CDH23: variants seen among roughly 807,000 people sequenced by gnomAD.
CDH23 encodes cadherin related 23, also known as cadherin-23.
In CDH23, 189 loss-of-function variants were observed where a neutral mutation model predicts 317.1. The ratio of observed to expected loss-of-function variants is 0.60; its 90% CI spans 0.53 to 0.67. CDH23 has a LOEUF of 0.67. Ranked by LOEUF, CDH23 falls within the 30% of genes least tolerant of loss-of-function variation. CDH23 has a pLI of 0.00. For missense variants in CDH23, 4,401 were observed against 4,592.4 expected, an observed-to-expected ratio of 0.96 and a Z score of 1.20; for synonymous variants, 1,839 against 1,876.8, an observed-to-expected ratio of 0.98 and a Z score of 0.52.
At chr10:71,646,327 G>A (rs1365765627) in intron 13 of CDH23, 132 bp from the exon 14 acceptor site, 3 of 1,395,224 alleles carry the variant, frequency 2.2e-6, no homozygotes, top group Non-Finnish European at 2.9e-6. Flanking sequence ...GTAGCACAGA[G>A]CTGGGATGGG....
chr10:71,573,946 A>G (rs1210034624), intron 8 of CDH23, among the ~76,000 whole-genome samples: 2 of 152,062 alleles, frequency 1.3e-5, no homozygotes, highest in Admixed American at 6.5e-5. Flanking sequence ...ATTCCCTTGC[A>G]CTGCCAGCCT....
chr10:71,722,213 G>A (rs1035610067), intron 28 of CDH23, among the ~76,000 whole-genome samples: 1 of 152,202 alleles, frequency 6.6e-6, no homozygotes, highest in Non-Finnish European at 1.5e-5. Context: ...AGCCAAGGCG[G>A]GAGGATTGCT....
At chr10:71,698,431 A>C (rs1234888) in intron 22 of CDH23, among the ~76,000 whole-genome samples, 102,907 of 151,888 alleles carry the variant, frequency 0.68, 35,871 homozygotes, top group Non-Finnish European at 0.78. Flanking sequence ...AATAGCTAAC[A>C]GAGTTTCAGG....
chr10:71,812,933 G>A, intron 68 of CDH23, 43 bp downstream of exon 68: 1 of 1,607,028 alleles, frequency 6.2e-7, no homozygotes, highest in Non-Finnish European at 8.5e-7. Context: ...CCTTGGCTGA[G>A]GTTGGACCCC....
intron 3 of CDH23, among the ~76,000 whole-genome samples, chr10:71,457,972 C>A (rs536320413): frequency 6.6e-6 from 1 of 152,336 alleles, no homozygotes; most frequent in South Asian, 2.1e-4. Flanking sequence ...GACACATGAG[C>A]CTGGCACAGG....
At chr10:71,683,327 C>A (rs1864733625) in intron 18 of CDH23, among the ~76,000 whole-genome samples, 1 of 152,230 alleles carries the variant, frequency 6.6e-6, no homozygotes, top group South Asian at 2.1e-4. Flanking sequence ...AGGATTAGAT[C>A]AGGTTGTCAG....
intron 3 of CDH23, among the ~76,000 whole-genome samples, chr10:71,452,342 G>A (rs1322220440): frequency 3.3e-5 from 5 of 152,138 alleles, no homozygotes; most frequent in Non-Finnish European, 7.4e-5. Flanking sequence ...AGTGGTAACC[G>A]CCCGCAGCCA....
intron 48 of CDH23, chr10:71,796,134 G>GA: frequency 1.0e-6 from 1 of 969,882 alleles, no homozygotes; most frequent in Non-Finnish European, 1.2e-6. Context: ...CCAGCAGGGG[G>GA]ATCTGCCAAG....
chr10:71,420,863 C>T (rs1450285848), intron 1 of CDH23, among the ~76,000 whole-genome samples: 1 of 152,054 alleles, frequency 6.6e-6, no homozygotes, highest in East Asian at 1.9e-4. Flanking sequence ...CTCGGCACCA[C>T]CCCCATCCGG....
chr10:71,645,469 T>C (rs1862793412), intron 12 of CDH23, among the ~76,000 whole-genome samples: 1 of 152,148 alleles, frequency 6.6e-6, no homozygotes, highest in African/African-American at 2.4e-5. Flanking sequence ...TCCTCCTCCT[T>C]CCTCTGTCTC....
chr10:71,685,051 C>T (rs1864817279), intron 18 of CDH23, among the ~76,000 whole-genome samples: 1 of 152,188 alleles, frequency 6.6e-6, no homozygotes, highest in Non-Finnish European at 1.5e-5. Context: ...ACCTGAATGA[C>T]TCCCATGTTG....
chr10:71,814,645 TACAC>T (rs921742881), intron 69 of CDH23, among the ~76,000 whole-genome samples: 19 of 144,066 alleles, frequency 1.3e-4, no homozygotes, highest in Admixed American at 8.2e-4. Context: ...TACACACACA[TACAC>T]ACACACACAC....
intron 9 of CDH23, among the ~76,000 whole-genome samples, chr10:71,582,773 T>C (rs1164438502): frequency 1.3e-5 from 2 of 152,198 alleles, no homozygotes; most frequent in African/African-American, 4.8e-5. Flanking sequence ...GGGCCTTCCC[T>C]GGGCCAGGAG....
chr10:71,528,461 G>C (rs1855168565), intron 6 of CDH23, among the ~76,000 whole-genome samples: 1 of 152,242 alleles, frequency 6.6e-6, no homozygotes, highest in African/African-American at 2.4e-5. Context: ...TGACTGTCAG[G>C]CAGGCAGGCC....
chr10:71,787,468 T>C (rs1477941064), intron 44 of CDH23, among the ~76,000 whole-genome samples: 1 of 152,078 alleles, frequency 6.6e-6, no homozygotes, highest in Non-Finnish European at 1.5e-5. Context: ...CACTGAACTG[T>C]GAACTCACTG....
At chr10:71,713,131 A>G in intron 28 of CDH23, 1 of 778,250 alleles carries the variant, frequency 1.3e-6, no homozygotes, top group Non-Finnish European at 2.4e-6. Context: ...GAGACGTCAC[A>G]ATTTCCCGGA....
intron 24 of CDH23, 150 bp from the exon 25 acceptor site, chr10:71,704,761 G>A: frequency 1.5e-6 from 1 of 667,928 alleles, no homozygotes. Context: ...GTGCCCTGGG[G>A]ACAGTGGCCT....
intron 14 of CDH23, among the ~76,000 whole-genome samples, chr10:71,667,391 TGTGTGC>T (rs1186693500): frequency 6.1e-5 from 9 of 146,570 alleles, no homozygotes; most frequent in African/African-American, 2.1e-4. Flanking sequence ...TGTGTGTGTG[TGTGTGC>T]GCGTGTGTGT....
chr10:71,649,700 T>G (rs1863073219), intron 14 of CDH23, among the ~76,000 whole-genome samples: 1 of 152,246 alleles, frequency 6.6e-6, no homozygotes. Flanking sequence ...GTCCACCTTC[T>G]GTATGTATAC....
Sources: gnomAD v4.1 joint callset for allele counts (sites outside exome capture counted in the v4.1 genomes callset) on GRCh38, gnomAD v4.1.1 for gene constraint, MANE v1.5 for transcripts, NCBI Gene and HGNC (gene_info 2026-07-23, HGNC 2026-07-21) for gene names.